Variants in TFEC observed in about 807,000 individuals in gnomAD.
TFEC encodes transcription factor EC.
TFEC carries 31 observed loss-of-function variants against 41.6 expected under a neutral mutation model. The observed-to-expected ratio is 0.74, with a 90% CI of 0.56 to 1.01. The LOEUF (loss-of-function observed/expected upper bound fraction) is 1.01. Among genes scored for constraint, TFEC ranks in the 50% least tolerant of loss-of-function variants. TFEC has a pLI of 0.00. For synonymous variants in TFEC, 143 were observed against 140.6 expected (o/e 1.02, Z -0.12); for missense variants, 402 against 404.1 (o/e 0.99, Z 0.04).
intron 3 of TFEC, among the ~76,000 whole-genome samples, chr7:115,960,865 T>G (rs908862476): frequency 1.3e-5 from 2 of 151,590 alleles, no homozygotes; most frequent in Non-Finnish European, 3.0e-5. Flanking sequence ...ATGGGGAAAC[T>G]GATGTAGCTA....
intron 3 of TFEC, among the ~76,000 whole-genome samples, chr7:116,101,700 AG>A (rs926310098): frequency 6.7e-6 from 1 of 150,300 alleles, no homozygotes; most frequent in Non-Finnish European, 1.5e-5. Flanking sequence ...GAGTTGGGGC[AG>A]GGGGGCAACA....
intron 1 of TFEC, among the ~76,000 whole-genome samples, chr7:115,998,729 A>G (rs1258699410): frequency 6.6e-6 from 1 of 152,090 alleles, no homozygotes. Context: ...GTAAGAAGAG[A>G]CAAAGAAGGT....
At chr7:116,013,910 C>A (rs1795096299) in intron 1 of TFEC, among the ~76,000 whole-genome samples, 1 of 152,066 alleles carries the variant, frequency 6.6e-6, no homozygotes, top group Non-Finnish European at 1.5e-5. Flanking sequence ...GCTGCAAGAT[C>A]TAGGTTCTTC....
chr7:116,143,179 C>G lies in TFEC; in HGVS notation c.-69+16611G>C, dbSNP rs188144931. Among the ~76,000 whole-genome samples, 4 of 152,240 alleles carry G rather than the reference C, an allele frequency of 2.6e-5. No homozygotes were observed. In the East Asian group the frequency reaches 5.8e-4, roughly 22 times the overall value. ...TGGGACAATTGCCTTGAACCAGAGA[C>G]AAAAATACATTTGAGAAGGACAGAC... On this transcript the variant is annotated intron_variant, in intron 1 of 8. Coordinates refer to the TFEC transcript ENST00000484212.
chr7:116,009,802 G>A (rs976347925), intron 1 of TFEC, among the ~76,000 whole-genome samples: 1 of 152,108 alleles, frequency 6.6e-6, no homozygotes, highest in African/African-American at 2.4e-5. Context: ...AGTCAAACAT[G>A]GTCTCTCTCC....
chr7:115,987,809 A>G (rs1793925027), intron 1 of TFEC, among the ~76,000 whole-genome samples: 1 of 152,168 alleles, frequency 6.6e-6, no homozygotes, highest in African/African-American at 2.4e-5. Flanking sequence ...ATAAACACAT[A>G]TAAAAATGAA....
At chr7:116,070,440 A>G (rs749490776) in intron 3 of TFEC, among the ~76,000 whole-genome samples, 44 of 151,540 alleles carry the variant, frequency 2.9e-4, no homozygotes, top group Non-Finnish European at 5.5e-4. Flanking sequence ...CTGAACCAAT[A>G]AATTACCTCA....
At chr7:115,971,748 C>T (rs1584614481) in intron 3 of TFEC, among the ~76,000 whole-genome samples, 1 of 151,892 alleles carries the variant, frequency 6.6e-6, no homozygotes, top group Non-Finnish European at 1.5e-5. Flanking sequence ...TGAAAAAAAA[C>T]TAGGTTAGCA....
chr7:115,999,018 G>A (rs1794482755), intron 1 of TFEC, among the ~76,000 whole-genome samples: 1 of 151,850 alleles, frequency 6.6e-6, no homozygotes, highest in African/African-American at 2.4e-5. Context: ...TCATTCAATG[G>A]CTACAATATA....
intron 7 of TFEC, 182 bp from the exon 8 acceptor site, chr7:115,941,113 T>C (rs1793473231): frequency 1.6e-6 from 1 of 627,962 alleles, no homozygotes; most frequent in Non-Finnish European, 2.6e-6. Context: ...GAAAAATAAC[T>C]CTGAGAAAAT....
intron 6 of TFEC, among the ~76,000 whole-genome samples, chr7:115,945,677 A>T (rs997189869): frequency 4.0e-5 from 6 of 151,818 alleles, no homozygotes; most frequent in Admixed American, 6.6e-5. Context: ...TACATACAAC[A>T]CAATAGAAAT....
chr7:115,994,247 A>G (rs1287414371), intron 1 of TFEC, among the ~76,000 whole-genome samples: 6 of 152,216 alleles, frequency 3.9e-5, no homozygotes, highest in Admixed American at 1.3e-4. Context: ...TAAAACCATA[A>G]AAACCCTAGA....
rs574117532 is a variant in TFEC at position 116,042,830 on chromosome 7, C to T, written c.199-58317G>A. ...TTCAATGGGGAAATTGCTGAATAAA[C>T]GTCAAAATTATAAAGCTGAGTAGCA... On this transcript the variant is annotated intron_variant, in intron 3 of 8. Transcript: ENST00000484212. Among the ~76,000 whole-genome samples, 220 of 152,154 alleles carry T rather than the reference C, an allele frequency of 1.4e-3. 1 individual carries two copies. The highest frequency in any genetic ancestry group is 2.3e-3 in the Non-Finnish European group (153 of 67,974).
At chr7:115,950,291 C>T (rs1023215057) in intron 6 of TFEC, among the ~76,000 whole-genome samples, 10 of 151,980 alleles carry the variant, frequency 6.6e-5, no homozygotes, top group African/African-American at 2.2e-4. Flanking sequence ...GGATTACAGG[C>T]GTTCACATTT....
chr7:116,013,512 A>G (rs910853250), intron 1 of TFEC, among the ~76,000 whole-genome samples: 2 of 152,140 alleles, frequency 1.3e-5, no homozygotes, highest in Admixed American at 1.3e-4. Flanking sequence ...CAATAGCCAC[A>G]GTCATGAGGT....
chr7:116,060,490 A>T (rs192194249), intron 3 of TFEC, among the ~76,000 whole-genome samples: 1 of 152,300 alleles, frequency 6.6e-6, no homozygotes, highest in East Asian at 1.9e-4. Context: ...AGGTGGGATT[A>T]AAAAATGTGG....
Position 115,935,905 on chromosome 7 carries a change from A to G in TFEC, c.*4646T>C, listed in dbSNP as rs1793206741. ...TACACATAAAAATCCCTTTACAAGCAGATAAAAAGTTCCCTTTTATGTATA... is the reference window on the plus strand; with the variant it reads ...TACACATAAAAATCCCTTTACAAGCGGATAAAAAGTTCCCTTTTATGTATA... On this transcript the variant is annotated 3_prime_UTR_variant, in exon 8 of 8. Transcript: ENST00000265440. 1 of 151,570 alleles carries G rather than the reference A, an allele frequency of 6.6e-6. No individual in the cohort carries two copies. Among genetic ancestry groups the G allele is most frequent in the Non-Finnish European group, 1.5e-5 (1 of 67,594 alleles). 9.4% of individuals were successfully genotyped at this position (151,570 alleles called of 1,614,324 possible). A position where few individuals can be genotyped will look rare whatever the true frequency, so the allele number is the denominator to read the frequency against.
chr7:116,011,319 C>G (rs114394378), intron 1 of TFEC, among the ~76,000 whole-genome samples: 140 of 152,254 alleles, frequency 9.2e-4, no homozygotes, highest in African/African-American at 3.0e-3. Context: ...GACTATCCTG[C>G]ATGCTTTGAA....
intron 1 of TFEC, among the ~76,000 whole-genome samples, chr7:116,011,968 T>C (rs1795018922): frequency 6.6e-6 from 1 of 152,238 alleles, no homozygotes; most frequent in Non-Finnish European, 1.5e-5. Context: ...ATGCTTCTTG[T>C]AGGATCTGCA....
Sources: gnomAD v4.1 joint callset for allele counts (sites outside exome capture counted in the v4.1 genomes callset) on GRCh38, gnomAD v4.1.1 for gene constraint, MANE v1.5 for transcripts, NCBI Gene and HGNC (gene_info 2026-07-23, HGNC 2026-07-21) for gene names.